PNPLA1: variants seen among roughly 807,000 people sequenced by gnomAD.
PNPLA1 encodes the protein patatin like domain 1, omega-hydroxyceramide transacylase.
Under a neutral mutation model 51.7 loss-of-function variants are expected in PNPLA1, and 36 were observed. The ratio of observed to expected loss-of-function variants is 0.70; its 90% CI spans 0.53 to 0.92. The LOEUF (loss-of-function observed/expected upper bound fraction) is 0.92. Among genes scored for constraint, PNPLA1 ranks in the 40% least tolerant of loss-of-function variants. The pLI, the probability that PNPLA1 is intolerant of heterozygous loss-of-function variation, is 0.00. For synonymous variants in PNPLA1, 293 were observed against 280.1 expected, an observed-to-expected ratio of 1.05 and a Z score of -0.46; for missense variants, 658 against 682.5, an observed-to-expected ratio of 0.96 and a Z score of 0.40.
rs762919939 is a variant in PNPLA1, at chr6:36,291,490, C to G, written c.376C>G (p.Arg126Gly). ...TTGKLHVSLTRLTDGENVVVS... is the reference protein window; with the variant it reads ...TTGKLHVSLTGLTDGENVVVS... ...GGGGAAGCTCCATGTGAGCCTCACC[C>G]GCTTAACGGACGGGGAGAATGTGGT... is the stretch of plus-strand genomic sequence containing the variant. Residue 126 changes from arginine to glycine, a missense_variant, in exon 2 of 9, where the codon CGC (arginine) becomes GGC (glycine). Arg to Gly is a moderately radical substitution (Grantham distance 125). Coordinates refer to ENST00000636260, the MANE Select transcript of PNPLA1 (RefSeq NM_001374623.1). The G allele has an allele frequency of 6.3e-7, 1 of 1,583,020 alleles. No individual in the cohort carries two copies. The highest frequency in any genetic ancestry group is 8.6e-7 in the Non-Finnish European group (1 of 1,160,390).
intron 6 of PNPLA1, among the ~76,000 whole-genome samples, chr6:36,305,579 G>C (rs1178717473): frequency 1.3e-5 from 2 of 151,844 alleles, no homozygotes; most frequent in Non-Finnish European, 2.9e-5. Flanking sequence ...CATGTAAAGA[G>C]CTTACTTAAG....
intron 1 of PNPLA1, among the ~76,000 whole-genome samples, chr6:36,244,359 C>CA (rs974795759): frequency 2.2e-4 from 33 of 148,688 alleles, no homozygotes; most frequent in East Asian, 5.8e-4. Context: ...ATTTTTTAGA[C>CA]AAAAAAAATG....
intron 1 of PNPLA1, among the ~76,000 whole-genome samples, chr6:36,274,345 G>T (rs1770025183): frequency 6.6e-6 from 1 of 152,132 alleles, no homozygotes; most frequent in Non-Finnish European, 1.5e-5. Flanking sequence ...GAGGAGGCAG[G>T]GTCGGGGAGT....
rs1771429360 is a variant in PNPLA1, at chr6:36,312,525, G to A, written c.*639G>A. On this transcript the variant is annotated 3_prime_UTR_variant, in exon 9 of 9. Coordinates refer to ENST00000636260, the MANE Select transcript of PNPLA1 (RefSeq NM_001374623.1). The stretch of plus-strand genomic sequence containing the variant: ...AAGGGTGATCCCCGGTGGAACTAAG[G>A]TTAGGGAAGTCCTAGATGGGGGATT... 6.6e-6 allele frequency among the ~76,000 whole-genome samples: 1 copy of A among 152,178 alleles called. No individual in the cohort carries two copies. The highest frequency in any genetic ancestry group is 1.5e-5 in the Non-Finnish European group (1 of 68,026).
chr6:36,282,715 T>C (rs546430316), intron 1 of PNPLA1, among the ~76,000 whole-genome samples: 19 of 152,212 alleles, frequency 1.2e-4, no homozygotes, highest in Non-Finnish European at 2.4e-4. Context: ...AGACAGAGTC[T>C]TGCTCTGTCA....
At chr6:36,307,824 G>A in intron 8 of PNPLA1, 112 bp downstream of exon 8, 1 of 1,365,660 alleles carries the variant, frequency 7.3e-7, no homozygotes, top group Non-Finnish European at 9.8e-7. Context: ...GGGTGCAGTG[G>A]GAGATTGGGC....
chr6:36,260,818 T>C (rs1769631061), intron 1 of PNPLA1, among the ~76,000 whole-genome samples: 1 of 152,196 alleles, frequency 6.6e-6, no homozygotes. Flanking sequence ...TCTTTCCATA[T>C]GATTTTTTTC....
chr6:36,285,112 G>T (rs1770442424), intron 1 of PNPLA1, among the ~76,000 whole-genome samples: 1 of 152,224 alleles, frequency 6.6e-6, no homozygotes, highest in Admixed American at 6.5e-5. Flanking sequence ...TTACGTTGGG[G>T]TAGGGTATTC....
At chr6:36,282,088 A>AGAAAGAAAGAAAGAAAGAAGGAAG (rs1554136580) in intron 1 of PNPLA1, among the ~76,000 whole-genome samples, 21 of 98,852 alleles carry the variant, frequency 2.1e-4, no homozygotes, top group African/African-American at 6.3e-4. Context: ...AAAGAAAGAA[A>AGAAAGAAAGAAAGAAAGAAGGAAG]GAAGGAAGGA....
intron 1 of PNPLA1, among the ~76,000 whole-genome samples, chr6:36,282,249 G>GGAAAGAAAGAAAGAAA (rs61365486): frequency 1.4e-3 from 160 of 112,032 alleles, no homozygotes; most frequent in African/African-American, 5.4e-3. Flanking sequence ...AAAGAAAGAA[G>GGAAAGAAAGAAAGAAA]GAAAGAAAGA....
At chr6:36,284,586 TCC>T in intron 1 of PNPLA1, among the ~76,000 whole-genome samples, 1 of 151,896 alleles carries the variant, frequency 6.6e-6, no homozygotes, top group Non-Finnish European at 1.5e-5. Context: ...CATCCATCCA[TCC>T]ATCCATCCAT....
Position 36,261,539 on chromosome 6 carries a change from G to A in PNPLA1, c.-81+18278G>A, listed in dbSNP as rs1233308877. The stretch of plus-strand genomic sequence containing the variant: ...AGGTTACAATTCATTCATCAGGCTT[G>A]TGAGTTTGGTGAACGTGTGTTCACC... On this transcript the variant is annotated intron_variant, in intron 1 of 7. Transcript: ENST00000312917. Among the ~76,000 whole-genome samples the A allele has an allele frequency of 2.0e-5, 3 of 152,368 alleles. No homozygotes were observed. In the East Asian group the frequency reaches 5.8e-4, roughly 29 times the overall value.
intron 1 of PNPLA1, among the ~76,000 whole-genome samples, chr6:36,282,212 G>GGAAAGGAAGGAAGGAAGGAA (rs1554136650): frequency 9.2e-6 from 1 of 108,632 alleles, no homozygotes; most frequent in Non-Finnish European, 1.9e-5. Flanking sequence ...AAGGAAGGAA[G>GGAAAGGAAGGAAGGAAGGAA]GGAAGGAAGG....
chr6:36,265,431 T>C (rs903334017), upstream of PNPLA1, among the ~76,000 whole-genome samples: 1 of 152,200 alleles, frequency 6.6e-6, no homozygotes, highest in African/African-American at 2.4e-5. Context: ...CTAACAAAAA[T>C]AAGTTGGTAA....
rs1406170438 is a variant in PNPLA1 at position 36,306,343 on chromosome 6, A to C, written c.1436A>C (p.His479Pro). 1 of 1,612,980 alleles carries C rather than the reference A, an allele frequency of 6.2e-7. No homozygotes were observed. The highest frequency in any genetic ancestry group is 8.5e-7 in the Non-Finnish European group (1 of 1,179,700). ...CCAAAAAGCGCCGTGCCTCTGGTTC[A>C]TGTGAAGGAAACCGTCAGCAAGCCT... ...SKPKSAVPLV[H>P]VKETVSKPYV... Residue 479 changes from histidine (H) to proline (P), a missense_variant, in exon 7 of 9, where the codon CAT becomes CCT. By Grantham distance (77) the His-to-Pro change is moderately conservative. Coordinates refer to ENST00000636260, the MANE Select transcript of PNPLA1 (RefSeq NM_001374623.1).
At chr6:36,288,149 A>G (rs78978868) in intron 1 of PNPLA1, among the ~76,000 whole-genome samples, 1,752 of 152,318 alleles carry the variant, frequency 0.012, 37 homozygotes, top group African/African-American at 0.04. Context: ...CCTCACTTCT[A>G]GGAATTTATC....
At chr6:36,284,323 T>C (rs1034693473) in intron 1 of PNPLA1, among the ~76,000 whole-genome samples, 4 of 152,252 alleles carry the variant, frequency 2.6e-5, no homozygotes, top group African/African-American at 7.2e-5. Context: ...GGATTGTTAT[T>C]ATCCATTAAA....
At chr6:36,257,148 G>T (rs1203051597) in intron 1 of PNPLA1, among the ~76,000 whole-genome samples, 1 of 152,070 alleles carries the variant, frequency 6.6e-6, no homozygotes, top group Non-Finnish European at 1.5e-5. Flanking sequence ...GAAGCTTCTG[G>T]GTGGAGAACT....
chr6:36,266,106 C>T (rs1769753698), upstream of PNPLA1, among the ~76,000 whole-genome samples: 1 of 152,146 alleles, frequency 6.6e-6, no homozygotes, highest in Non-Finnish European at 1.5e-5. Flanking sequence ...CAACATTGAC[C>T]AAGAACTGAT....
Sources: allele counts gnomAD v4.1 joint callset (sites outside exome capture counted in the v4.1 genomes callset), GRCh38; gene constraint gnomAD v4.1.1; transcripts MANE v1.5; gene names NCBI Gene and HGNC (gene_info 2026-07-23, HGNC 2026-07-21).